The following DPP10 variants were observed in gnomAD, a reference collection of about 807,000 sequenced individuals.
DPP10 encodes dipeptidyl peptidase like 10.
DPP10 carries 33 observed loss-of-function variants against 120.9 expected under a neutral mutation model. The ratio of observed to expected loss-of-function variants is 0.27; its 90% CI spans 0.21 to 0.37. The LOEUF (loss-of-function observed/expected upper bound fraction) is 0.37, where lower values mean the gene tolerates loss of function less well. Ranked by LOEUF, DPP10 falls within the 10% of genes least tolerant of loss-of-function variation. DPP10 has a pLI of 1.00. For missense variants in DPP10, 816 were observed against 942.8 expected, an observed-to-expected ratio of 0.87 and a Z score of 1.76; for synonymous variants, 337 against 326.1, an observed-to-expected ratio of 1.03 and a Z score of -0.36.
chr2:115,789,583 T>A (rs988349246), intron 17 of DPP10, among the ~76,000 whole-genome samples: 1 of 152,148 alleles, frequency 6.6e-6, no homozygotes, highest in Admixed American at 6.5e-5. Flanking sequence ...TTGTTCTCAC[T>A]CCTTCTGTGC....
chr2:115,415,249 A>G (rs935985002), intron 3 of DPP10, among the ~76,000 whole-genome samples: 2 of 152,076 alleles, frequency 1.3e-5, no homozygotes, highest in Non-Finnish European at 2.9e-5. Flanking sequence ...CGCTTTGGCC[A>G]GTTTCATTGT....
chr2:114,593,842 A>G (rs1330152169), intron 1 of DPP10, among the ~76,000 whole-genome samples: 2 of 152,076 alleles, frequency 1.3e-5, no homozygotes, highest in Non-Finnish European at 2.9e-5. Flanking sequence ...ACTTTATAGC[A>G]TGCCCACTTG....
At chr2:114,930,490 T>C (rs1236183183) in intron 1 of DPP10, among the ~76,000 whole-genome samples, 2 of 152,228 alleles carry the variant, frequency 1.3e-5, no homozygotes, top group Non-Finnish European at 2.9e-5. Flanking sequence ...GCAGGAAAGT[T>C]CTTTGCTAAG....
At chr2:115,579,183 AGGCAGTTTTGTTCCAGAGTCC>A (rs2081869351) in intron 5 of DPP10, 1 of 152,140 alleles carries the variant, frequency 6.6e-6, no homozygotes, top group South Asian at 2.1e-4. Context: ...GCATGAGTCC[AGGCAGTTTTGTTCCAGAGTCC>A]GTGCTCTTGG....
intron 1 of DPP10, among the ~76,000 whole-genome samples, chr2:114,701,224 G>A (rs140678949): frequency 3.9e-5 from 6 of 152,130 alleles, no homozygotes; most frequent in Non-Finnish European, 8.8e-5. Context: ...TATATGCCAG[G>A]TGCCATGCTT....
intron 1 of DPP10, among the ~76,000 whole-genome samples, chr2:114,814,847 A>G (rs1685490714): frequency 1.3e-5 from 2 of 152,024 alleles, no homozygotes; most frequent in Admixed American, 1.3e-4. Flanking sequence ...TCTTTCCTTC[A>G]GTTGCTGCTG....
At chr2:115,657,859 C>G (rs771456702) in intron 5 of DPP10, among the ~76,000 whole-genome samples, 7 of 151,786 alleles carry the variant, frequency 4.6e-5, no homozygotes, top group Non-Finnish European at 1.0e-4. Context: ...GAAGAAACAA[C>G]CTTGTAAAAA....
At chr2:114,551,976 A>G (rs1351599339) in intron 1 of DPP10, among the ~76,000 whole-genome samples, 1 of 152,226 alleles carries the variant, frequency 6.6e-6, no homozygotes, top group African/African-American at 2.4e-5. Context: ...ACTCTATGAA[A>G]AAGTAAAATG....
At chr2:114,473,894 T>C (rs72949882) in intron 1 of DPP10, among the ~76,000 whole-genome samples, 6,013 of 152,292 alleles carry the variant, frequency 0.039, 402 homozygotes, top group African/African-American at 0.14. Flanking sequence ...CACACACTTA[T>C]ATACATTTGG....
intron 1 of DPP10, among the ~76,000 whole-genome samples, chr2:115,291,272 C>T (rs2105926803): frequency 6.6e-6 from 1 of 152,182 alleles, no homozygotes; most frequent in East Asian, 1.9e-4. Context: ...CCAAAGTGCT[C>T]AGATTACTGG....
chr2:115,212,703 C>T (rs906984559), intron 1 of DPP10, among the ~76,000 whole-genome samples: 6 of 152,014 alleles, frequency 3.9e-5, no homozygotes, highest in African/African-American at 9.7e-5. Context: ...TGTATTTGCA[C>T]ACACAAATAG....
At chr2:115,807,060 G>T (rs2150003627) in intron 19 of DPP10, among the ~76,000 whole-genome samples, 1 of 152,256 alleles carries the variant, frequency 6.6e-6, no homozygotes, top group South Asian at 2.1e-4. Flanking sequence ...TAGATCAAAT[G>T]CTATCCTAGC....
At chr2:115,234,274 C>A (rs886276880) in intron 1 of DPP10, among the ~76,000 whole-genome samples, 1 of 152,154 alleles carries the variant, frequency 6.6e-6, no homozygotes, top group Non-Finnish European at 1.5e-5. Context: ...ATTTTATATA[C>A]CCTGCACTAT....
intron 7 of DPP10, among the ~76,000 whole-genome samples, chr2:115,714,121 C>T (rs2092414530): frequency 6.6e-6 from 1 of 152,188 alleles, no homozygotes; most frequent in South Asian, 2.1e-4. Flanking sequence ...ACCCACCTTC[C>T]ACCAAAGGCT....
intron 5 of DPP10, among the ~76,000 whole-genome samples, chr2:115,655,376 CAT>C (rs1353387731): frequency 2.0e-5 from 3 of 151,612 alleles, no homozygotes; most frequent in Non-Finnish European, 4.4e-5. Flanking sequence ...ACCTAGTGCA[CAT>C]GTGTCAAAAT....
chr2:115,071,613 C>T (rs1363092070), intron 1 of DPP10, among the ~76,000 whole-genome samples: 1 of 151,962 alleles, frequency 6.6e-6, no homozygotes, highest in Non-Finnish European at 1.5e-5. Context: ...GGTTAATTTC[C>T]CTAGGGAGGA....
intron 12 of DPP10, among the ~76,000 whole-genome samples, chr2:115,763,280 A>G (rs963988535): frequency 1.1e-4 from 16 of 152,116 alleles, no homozygotes; most frequent in Admixed American, 8.5e-4. Context: ...TATTACGTCT[A>G]TGGCGTTAAT....
chr2:115,742,851 T>A (rs1161975758), intron 9 of DPP10, among the ~76,000 whole-genome samples: 1 of 152,136 alleles, frequency 6.6e-6, no homozygotes, highest in Non-Finnish European at 1.5e-5. Flanking sequence ...AAATACCTAA[T>A]GTGGTCAGAT....
intron 1 of DPP10, among the ~76,000 whole-genome samples, chr2:114,464,643 C>G (rs17048390): frequency 0.011 from 1,723 of 152,230 alleles, 26 homozygotes; most frequent in African/African-American, 0.04. Flanking sequence ...GTTATATCCT[C>G]TACTATACAG....
Sources: allele counts gnomAD v4.1 joint callset (sites outside exome capture counted in the v4.1 genomes callset), GRCh38; gene constraint gnomAD v4.1.1; transcripts MANE v1.5; gene names NCBI Gene and HGNC (gene_info 2026-07-23, HGNC 2026-07-21).